Variants in KATNA1 observed in about 807,000 individuals in gnomAD.
KATNA1 encodes katanin p60 ATPase-containing subunit A1.
KATNA1 carries 42 observed loss-of-function variants against 62.6 expected under a neutral mutation model. That is an observed-to-expected ratio of 0.67 (90% confidence interval 0.52 to 0.87). The LOEUF (loss-of-function observed/expected upper bound fraction) is 0.87. Ranked by LOEUF, KATNA1 falls within the 40% of genes least tolerant of loss-of-function variation. The pLI is 0.00. For missense variants in KATNA1, 498 were observed against 612.5 expected, an observed-to-expected ratio of 0.81 and a Z score of 1.97; for synonymous variants, 186 against 201.9, an observed-to-expected ratio of 0.92 and a Z score of 0.67.
At chr6:149,628,258 C>G (rs1056279945) in intron 3 of KATNA1, among the ~76,000 whole-genome samples, 1 of 142,506 alleles carries the variant, frequency 7.0e-6, no homozygotes, top group Admixed American at 7.6e-5. Context: ...TCACCATGCC[C>G]GGCTAATTTT....
intron 3 of KATNA1, among the ~76,000 whole-genome samples, chr6:149,629,653 G>A (rs1779757390): frequency 6.6e-6 from 1 of 150,700 alleles, no homozygotes; most frequent in Non-Finnish European, 1.5e-5. Context: ...TCTGAAATTA[G>A]GGGAAAAAAT....
rs138013858 is a variant in KATNA1, at chr6:149,645,366, C to T, written c.-14+3103G>A. On this transcript the variant is annotated intron_variant, in intron 1 of 10. Coordinates refer to ENST00000367411, the MANE Select transcript of KATNA1 (RefSeq NM_007044.4). The stretch of plus-strand genomic sequence containing the variant: ...GCTGAGGCAGGAGAATGGCATGAAC[C>T]GGGAGGCAGAGCGTGCAAGTGAGCC... Among the ~76,000 whole-genome samples, 549 of 151,104 alleles carry T rather than the reference C, an allele frequency of 3.6e-3. 3 individuals carry two copies. Among genetic ancestry groups the T allele is most frequent in the African/African-American group, 0.013 (522 of 41,112 alleles).
chr6:149,637,981 G>GT (rs1040835768), intron 2 of KATNA1, among the ~76,000 whole-genome samples: 1 of 151,956 alleles, frequency 6.6e-6, no homozygotes, highest in Non-Finnish European at 1.5e-5. Flanking sequence ...GTTTTGTTTT[G>GT]TTTTTTATTT....
rs372332577 is a variant in KATNA1, at chr6:149,603,312, T to A, written c.685A>T (p.Met229Leu). The change falls in exon 6 of 11, where the codon ATG becomes TTG. Residue 229 changes from methionine (M) to leucine (L), a missense_variant. By Grantham distance (15) the Met-to-Leu change is conservative (BLOSUM62 2). Coordinates refer to ENST00000367411, the MANE Select transcript of KATNA1 (RefSeq NM_007044.4). ...CCCTTAAAGAATTCGGGCATCCACATTGGTAACACTACGGCTTCCTTAAGC... is the reference window on the plus strand; with the variant it reads ...CCCTTAAAGAATTCGGGCATCCACAATGGTAACACTACGGCTTCCTTAAGC... ...KLLKEAVVLP[M>L]WMPEFFKGIR... 1.3e-6 allele frequency: 2 copies of A among 1,599,774 alleles called. No homozygotes were observed. Among genetic ancestry groups the A allele is most frequent in the South Asian group, 2.2e-5 (2 of 89,378 alleles).
At chr6:149,627,527 C>CA (rs796916643) in intron 3 of KATNA1, among the ~76,000 whole-genome samples, 3,184 of 68,794 alleles carry the variant, frequency 0.046, 116 homozygotes, top group African/African-American at 0.11. Flanking sequence ...GACTCCATCT[C>CA]AAAAAAAAAA....
At chr6:149,638,919 T>C (rs1780179553) in intron 1 of KATNA1, among the ~76,000 whole-genome samples, 2 of 151,752 alleles carry the variant, frequency 1.3e-5, no homozygotes, top group Non-Finnish European at 2.9e-5. Context: ...TTTGTATTTT[T>C]GTAGAGATGG....
Position 149,638,403 on chromosome 6 carries a change from G to A in KATNA1, c.145C>T (p.Gln49Ter). Residue 49 changes from glutamine to a stop codon, truncating the protein, a stop_gained, in exon 2 of 11, where the codon CAG (glutamine) becomes TAG (stop). Transcript: ENST00000367411. LOFTEE classifies it high-confidence loss of function. ...YLYSVKDTYL[Q>*]QKWQQVWQEI... ...ACTCTCACCTGTTGCCATTTCTGCT[G>A]GAGGTATGTATCTTTGACTGAGTAC... is the stretch of plus-strand genomic sequence containing the variant. The A allele has an allele frequency of 6.2e-7, 1 of 1,612,896 alleles. No homozygotes were observed. Among genetic ancestry groups the A allele is most frequent in the Non-Finnish European group, 8.5e-7 (1 of 1,179,702 alleles).
intron 8 of KATNA1, chr6:149,598,019 TTC>T (rs1778393894): frequency 3.6e-6 from 2 of 550,602 alleles, no homozygotes; most frequent in South Asian, 5.6e-5. Flanking sequence ...TGGCCATTAA[TTC>T]TGACTTGTCA....
At chr6:149,601,911 A>T in intron 6 of KATNA1, 159 bp from the exon 7 acceptor site, 1 of 477,382 alleles carries the variant, frequency 2.1e-6, no homozygotes, top group Non-Finnish European at 3.5e-6. Context: ...TCACAAATTT[A>T]CTCTTCCCGT....
At chr6:149,599,976 T>C (rs751778804) in intron 7 of KATNA1, among the ~76,000 whole-genome samples, 2 of 152,024 alleles carry the variant, frequency 1.3e-5, no homozygotes, top group African/African-American at 2.4e-5. Context: ...ATATTAATCT[T>C]TGGACTTTTG....
intron 3 of KATNA1, among the ~76,000 whole-genome samples, chr6:149,624,605 C>T (rs1405559765): frequency 6.6e-6 from 1 of 151,938 alleles, no homozygotes; most frequent in Non-Finnish European, 1.5e-5. Flanking sequence ...GTATCAAACC[C>T]CTGGGCTCAA....
intron 1 of KATNA1, among the ~76,000 whole-genome samples, chr6:149,639,362 A>G (rs571040030): frequency 1.3e-5 from 2 of 151,910 alleles, no homozygotes; most frequent in African/African-American, 4.8e-5. Flanking sequence ...ACACTTTGGG[A>G]GGCTGAGGTG....
intron 3 of KATNA1, 77 bp from the exon 4 acceptor site, chr6:149,623,360 T>G: frequency 9.5e-7 from 1 of 1,047,586 alleles, no homozygotes; most frequent in Non-Finnish European, 1.3e-6. Context: ...AAGTTAAGAG[T>G]CTATGAACTA....
intron 3 of KATNA1, chr6:149,631,553 AAC>A (rs1340794946): frequency 2.9e-5 from 3 of 103,272 alleles, no homozygotes; most frequent in African/African-American, 1.8e-4. Context: ...GTCTTAAAAA[AAC>A]AAAAAAAACA....
chr6:149,608,481 C>T (rs1778824713), intron 4 of KATNA1, among the ~76,000 whole-genome samples: 1 of 152,150 alleles, frequency 6.6e-6, no homozygotes. Flanking sequence ...AGCTTTTAGA[C>T]AGTAACACTC....
chr6:149,608,611 C>A (rs1383694131), intron 4 of KATNA1, among the ~76,000 whole-genome samples: 1 of 152,232 alleles, frequency 6.6e-6, no homozygotes, highest in African/African-American at 2.4e-5. Flanking sequence ...CCTCAAACCC[C>A]CACCAGGGTA....
intron 4 of KATNA1, among the ~76,000 whole-genome samples, chr6:149,620,181 T>C (rs1779340335): frequency 6.6e-6 from 1 of 152,128 alleles, no homozygotes; most frequent in African/African-American, 2.4e-5. Context: ...TACTAGAGGC[T>C]GGGATGGGTA....
intron 6 of KATNA1, 72 bp from the exon 7 acceptor site, chr6:149,601,824 AAGT>A (rs1238452408): frequency 1.6e-6 from 2 of 1,262,664 alleles, no homozygotes; most frequent in Non-Finnish European, 2.1e-6. Context: ...TGTCATTACT[AAGT>A]AGCAAATTTC....
At chr6:149,634,782 TG>T (rs1780004179) in intron 2 of KATNA1, among the ~76,000 whole-genome samples, 1 of 152,222 alleles carries the variant, frequency 6.6e-6, no homozygotes. Context: ...ATAATGTGTA[TG>T]CCCAAGATAT....
Sources: gnomAD v4.1 joint callset for allele counts (sites outside exome capture counted in the v4.1 genomes callset) on GRCh38, gnomAD v4.1.1 for gene constraint, MANE v1.5 for transcripts, NCBI Gene and HGNC (gene_info 2026-07-23, HGNC 2026-07-21) for gene names.